Variants in PRRG1 observed in about 807,000 individuals in gnomAD.
The protein encoded by PRRG1 is proline rich and Gla domain 1, also known as transmembrane gamma-carboxyglutamic acid protein 1.
In PRRG1, 5 loss-of-function variants were observed where a neutral mutation model predicts 11.8. That is an observed-to-expected ratio of 0.42 (90% CI 0.22 to 0.89). The LOEUF (loss-of-function observed/expected upper bound fraction) is 0.89. Among genes scored for constraint, PRRG1 ranks in the 40% least tolerant of loss-of-function variants. The pLI, the probability that PRRG1 is intolerant of heterozygous loss-of-function variation, is 0.28. For missense variants in PRRG1, 155 were observed against 166.1 expected (o/e 0.93, Z 0.37); for synonymous variants, 66 against 60.4 (o/e 1.09, Z -0.43).
chrX:37,431,975 C>G, intron 3 of PRRG1, among the ~76,000 whole-genome samples: 1 of 109,761 alleles, frequency 9.1e-6, no homozygotes, highest in Admixed American at 9.8e-5. Flanking sequence ...TGGGATCTCA[C>G]CATGTTGCCC....
chrX:37,385,755 G>A (rs1291952532), intron 1 of PRRG1, among the ~76,000 whole-genome samples: 3 of 107,968 alleles, frequency 2.8e-5, no homozygotes, highest in Non-Finnish European at 3.8e-5. Flanking sequence ...TTCCAAGATG[G>A]CTTCCTTTTT....
chrX:37,418,610 A>G (rs1932569565), intron 2 of PRRG1, among the ~76,000 whole-genome samples: 1 of 112,130 alleles, frequency 8.9e-6, no homozygotes, highest in Admixed American at 9.5e-5. Context: ...ATTAGATTAT[A>G]TAATTTACTG....
In PRRG1 at chrX:37,453,728, T is replaced by G. The variant is rs1556397495; in HGVS notation, c.*107T>G. On this transcript the variant is annotated 3_prime_UTR_variant, in exon 4 of 4. Coordinates refer to ENST00000378628, the MANE Select transcript of PRRG1 (RefSeq NM_001142395.2). ...TCATTGACTTATTTTATTGGACTCT[T>G]ACCGCATACCACTTCACACTTGTTT... 13 of 756,993 alleles carry G rather than the reference T, an allele frequency of 1.7e-5. No homozygotes were observed. Among genetic ancestry groups the G allele is most frequent in the Non-Finnish European group, 2.3e-5 (13 of 557,197 alleles). The allele number at this position is 756,993 out of a possible 1,213,427, so 62.4% of individuals were successfully genotyped here.
intron 1 of PRRG1, among the ~76,000 whole-genome samples, chrX:37,376,569 A>ATATATATATATATATATATATATG (rs1324925971): frequency 1.2e-5 from 1 of 81,413 alleles, no homozygotes; most frequent in Non-Finnish European, 2.5e-5. Context: ...ATATATATAT[A>ATATATATATATATATATATATATG]TATGTGCTGA....
At chrX:37,398,824 C>A (rs1466987823) in intron 1 of PRRG1, among the ~76,000 whole-genome samples, 1 of 110,721 alleles carries the variant, frequency 9.0e-6, no homozygotes, top group Non-Finnish European at 1.9e-5. Context: ...TCGAGAACTA[C>A]GTGAAGAATG....
chrX:37,409,294 C>T (rs960902632), intron 2 of PRRG1, among the ~76,000 whole-genome samples: 1 of 111,733 alleles, frequency 8.9e-6, no homozygotes, highest in African/African-American at 3.3e-5. Context: ...GTCATCTTCA[C>T]GTTGAATCAG....
intron 3 of PRRG1, chrX:37,441,224 G>A (rs1284573234): frequency 1.3e-6 from 1 of 786,855 alleles, no homozygotes; most frequent in Non-Finnish European, 1.5e-6. Flanking sequence ...AAAATGAGAA[G>A]AAGCTATTAC....
rs1374929351 is a variant in PRRG1 at position 37,453,821 on chromosome X, A to G, written c.*200A>G. ...TGCTCATTTTTGCTAGGGGAAATAT[A>G]TGAAGAGGGAAAACATACTAATGGG... is the stretch of plus-strand genomic sequence containing the variant. On this transcript the variant is annotated 3_prime_UTR_variant, in exon 4 of 4. Transcript: ENST00000378628. 2.3e-6 allele frequency: 1 copy of G among 427,866 alleles called. No individual in the cohort carries two copies. The highest frequency in any genetic ancestry group is 5.0e-5 in the Admixed American group (1 of 19,830). The allele number at this position is 427,866 out of a possible 1,213,427, so 35.3% of individuals were successfully genotyped here.
chrX:37,432,338 G>A (rs1465318663), intron 3 of PRRG1, among the ~76,000 whole-genome samples: 2 of 110,620 alleles, frequency 1.8e-5, no homozygotes, highest in African/African-American at 6.6e-5. Flanking sequence ...CGCCCGCCTT[G>A]GCCTCCCAAA....
intron 3 of PRRG1, among the ~76,000 whole-genome samples, chrX:37,433,346 T>G (rs1932851913): frequency 8.9e-6 from 1 of 111,811 alleles, no homozygotes; most frequent in Admixed American, 9.5e-5. Context: ...GCTGTGGCTT[T>G]CTTGTGCGTC....
chrX:37,396,327 A>C (rs782392765), intron 1 of PRRG1, among the ~76,000 whole-genome samples: 10 of 111,848 alleles, frequency 8.9e-5, no homozygotes, highest in Non-Finnish European at 1.5e-4. Context: ...GTTGACTCTT[A>C]CTTGAATATA....
intron 1 of PRRG1, among the ~76,000 whole-genome samples, chrX:37,403,228 G>C (rs1216366396): frequency 1.8e-5 from 2 of 109,931 alleles, no homozygotes; most frequent in East Asian, 5.7e-4. Context: ...TTGGAACCAA[G>C]CCAAATATCC....
At chrX:37,429,112 GGA>G (rs1326301735) in intron 3 of PRRG1, among the ~76,000 whole-genome samples, 1 of 111,865 alleles carries the variant, frequency 8.9e-6, no homozygotes, top group African/African-American at 3.2e-5. Context: ...TTTTCCTTCT[GGA>G]CTTCCAAATC....
chrX:37,410,045 C>T (rs1776687915), intron 2 of PRRG1, among the ~76,000 whole-genome samples: 1 of 111,377 alleles, frequency 9.0e-6, no homozygotes, highest in Non-Finnish European at 1.9e-5. Context: ...TGAGAACAGC[C>T]TTGTATATTT....
chrX:37,433,130 A>G (rs1932849503), intron 3 of PRRG1, among the ~76,000 whole-genome samples: 1 of 111,599 alleles, frequency 9.0e-6, no homozygotes, highest in South Asian at 3.7e-4. Context: ...CCCATAGTTG[A>G]TTCTCAAAAC....
At chrX:37,451,672 A>G (rs1309395905) in intron 3 of PRRG1, among the ~76,000 whole-genome samples, 3 of 112,101 alleles carry the variant, frequency 2.7e-5, no homozygotes, top group Admixed American at 1.9e-4. Context: ...AAATCATACA[A>G]TGTTTCTTAT....
At chrX:37,432,151 A>G (rs1355053625) in intron 3 of PRRG1, among the ~76,000 whole-genome samples, 8 of 105,754 alleles carry the variant, frequency 7.6e-5, no homozygotes, top group African/African-American at 2.1e-4. Flanking sequence ...GCAGTGGCGC[A>G]ATCTCAGCTC....
At chrX:37,441,198 A>C in intron 3 of PRRG1, 2 of 816,299 alleles carry the variant, frequency 2.5e-6, no homozygotes, top group Non-Finnish European at 2.9e-6. Flanking sequence ...AGAATTTAAG[A>C]AAACAATAGG....
intron 1 of PRRG1, among the ~76,000 whole-genome samples, chrX:37,392,487 G>C (rs1162949220): frequency 9.4e-6 from 1 of 106,364 alleles, no homozygotes; most frequent in Admixed American, 1.0e-4. Context: ...CCAGGAGTTT[G>C]AGACCAGCCT....
Sources: allele counts gnomAD v4.1 joint callset (sites outside exome capture counted in the v4.1 genomes callset), GRCh38; gene constraint gnomAD v4.1.1; transcripts MANE v1.5; gene names NCBI Gene and HGNC (gene_info 2026-07-23, HGNC 2026-07-21).